CNTN4: variants seen among roughly 807,000 people sequenced by gnomAD.
The protein encoded by CNTN4 is contactin-4.
Under a neutral mutation model 122.5 loss-of-function variants are expected in CNTN4, and 77 were observed. The ratio of observed to expected loss-of-function variants is 0.63; its 90% CI spans 0.52 to 0.76. The LOEUF (loss-of-function observed/expected upper bound fraction) is 0.76. Among genes scored for constraint, CNTN4 ranks in the 30% least tolerant of loss-of-function variants. CNTN4 has a pLI of 0.00. For missense variants in CNTN4, 1,256 were observed against 1,259.1 expected, an observed-to-expected ratio of 1.00 and a Z score of 0.04; for synonymous variants, 512 against 447.0, an observed-to-expected ratio of 1.15 and a Z score of -1.83.
intron 3 of CNTN4, among the ~76,000 whole-genome samples, chr3:2,392,417 C>T (rs1413734753): frequency 6.6e-6 from 1 of 152,178 alleles, no homozygotes; most frequent in South Asian, 2.1e-4. Context: ...TGGCTTCCTA[C>T]TCATTATGCC....
At chr3:2,205,255 C>A (rs2038285894) in intron 2 of CNTN4, among the ~76,000 whole-genome samples, 1 of 149,510 alleles carries the variant, frequency 6.7e-6, no homozygotes, top group African/African-American at 2.4e-5. Flanking sequence ...TTCTAAATAT[C>A]AATATTATTA....
At chr3:2,648,505 C>T (rs2728079) in intron 4 of CNTN4, among the ~76,000 whole-genome samples, 37,217 of 151,896 alleles carry the variant, frequency 0.25, 5,282 homozygotes, top group African/African-American at 0.4. Flanking sequence ...TTGATGTGAC[C>T]ATTGTAACTG....
intron 4 of CNTN4, 27 bp downstream of exon 4, chr3:2,571,585 A>T: frequency 6.4e-7 from 1 of 1,554,674 alleles, no homozygotes; most frequent in Middle Eastern, 1.7e-4. Flanking sequence ...AAACTTTTTG[A>T]TTTAGAAATG....
intron 2 of CNTN4, among the ~76,000 whole-genome samples, chr3:2,308,514 C>T (rs535502118): frequency 2.4e-4 from 36 of 152,066 alleles, no homozygotes; most frequent in African/African-American, 6.3e-4. Flanking sequence ...TTTAAATATA[C>T]GCATTCAAAG....
intron 2 of CNTN4, among the ~76,000 whole-genome samples, chr3:2,184,149 A>C (rs1575025816): frequency 6.6e-6 from 1 of 151,872 alleles, no homozygotes. Context: ...TTTTTATGTT[A>C]TTTTTATTAT....
intron 3 of CNTN4, among the ~76,000 whole-genome samples, chr3:2,522,302 G>A (rs987824542): frequency 4.6e-5 from 7 of 151,980 alleles, no homozygotes; most frequent in Admixed American, 2.0e-4. Context: ...AATTGATGTA[G>A]TATTTTAAAG....
Position 2,666,483 on chromosome 3 carries a change from TTGATTTTTCCAAAGTAAGACATTAC to T in CNTN4, c.56-69725_56-69701del, listed in dbSNP as rs561436956. Among the ~76,000 whole-genome samples the T allele has an allele frequency of 2.9e-4, 44 of 152,332 alleles. No homozygotes were observed. The South Asian group carries it at 9.1e-3, about 32-fold the overall frequency. Reference sequence around the variant, plus strand: ...ATAAGTGGCTCTTTTATGATCACTGTTGATTTTTCCAAAGTAAGACATTACTGATTTATTTTATCTATGTTAGCTT... The same window carrying T: ...ATAAGTGGCTCTTTTATGATCACTGTTGATTTATTTTATCTATGTTAGCTT... On this transcript the variant is annotated intron_variant, in intron 4 of 24. Transcript: ENST00000418658.
intron 6 of CNTN4, among the ~76,000 whole-genome samples, chr3:2,814,546 A>G (rs954729219): frequency 6.6e-6 from 1 of 152,240 alleles, no homozygotes; most frequent in South Asian, 2.1e-4. Context: ...AAACCAAAGT[A>G]CTTATACCAA....
At chr3:2,273,453 A>G (rs2041380493) in intron 2 of CNTN4, among the ~76,000 whole-genome samples, 2 of 152,104 alleles carry the variant, frequency 1.3e-5, no homozygotes, top group African/African-American at 4.8e-5. Flanking sequence ...TTCTTGTACT[A>G]TTGATGTCTT....
rs563925277 is a variant in CNTN4 at position 2,502,336 on chromosome 3, AG to A, written c.-88-69077del. On this transcript the variant is annotated intron_variant, in intron 3 of 24. Transcript: ENST00000418658. The stretch of plus-strand genomic sequence containing the variant: ...TCCTCTAGTATCCCAGTTTTAAACC[AG>A]GGTTTTAAAGTTTTTGCTTCATGTC... Among the ~76,000 whole-genome samples, 504 of 152,268 alleles carry A rather than the reference AG, an allele frequency of 3.3e-3. 3 individuals are homozygous for A. The highest frequency in any genetic ancestry group is 0.012 in the African/African-American group (483 of 41,564).
At chr3:2,128,567 C>A (rs147249350) in intron 2 of CNTN4, among the ~76,000 whole-genome samples, 3 of 151,952 alleles carry the variant, frequency 2.0e-5, no homozygotes, top group Non-Finnish European at 4.4e-5. Context: ...AGACTGTGAT[C>A]GACACTAAGA....
chr3:2,229,634 G>A (rs1341512553), intron 2 of CNTN4, among the ~76,000 whole-genome samples: 3 of 151,154 alleles, frequency 2.0e-5, no homozygotes, highest in Middle Eastern at 3.2e-3. Flanking sequence ...CTGTCTTAAA[G>A]TATCTTCATG....
At chr3:3,046,096 C>T (rs550180325) in intron 23 of CNTN4, among the ~76,000 whole-genome samples, 40 of 152,160 alleles carry the variant, frequency 2.6e-4, no homozygotes, top group Admixed American at 5.2e-4. Context: ...TGAAAAGAAA[C>T]GAACAAAGCC....
chr3:2,759,876 C>T (rs2090509849), intron 6 of CNTN4, among the ~76,000 whole-genome samples: 1 of 152,170 alleles, frequency 6.6e-6, no homozygotes, highest in Non-Finnish European at 1.5e-5. Flanking sequence ...AGTCAACCTA[C>T]TGAGTGTGAT....
At position 2,840,581 on chromosome 3, in the gene CNTN4, C is replaced by A. The variant is rs1272175332; in HGVS notation, c.454+21000C>A. Among the ~76,000 whole-genome samples, 3 of 79,092 alleles carry A rather than the reference C, an allele frequency of 3.8e-5. 1 individual carries two copies. Among genetic ancestry groups the A allele is most frequent in the African/African-American group, 1.0e-4 (3 of 29,504 alleles). The allele number at this position is 79,092 out of a possible 152,430, so 51.9% of individuals were successfully genotyped here. ...GGGCGCGGTGATGGGCGCCTGTAGTCCCAGCTACTCGGGAGGCTGAGGCGG... is the reference window on the plus strand; with the variant it reads ...GGGCGCGGTGATGGGCGCCTGTAGTACCAGCTACTCGGGAGGCTGAGGCGG... On this transcript the variant is annotated intron_variant, in intron 7 of 24. Transcript: ENST00000418658.
chr3:3,042,254 C>G lies in CNTN4; in HGVS notation c.2399-56C>G. ...TTTTACCTTATAATGCTAGTATCTACAATCCTGTCCTAATATAGCTGATAG... is the reference window on the plus strand; with the variant it reads ...TTTTACCTTATAATGCTAGTATCTAGAATCCTGTCCTAATATAGCTGATAG... On this transcript the variant is annotated intron_variant, in intron 20 of 24. Coordinates refer to ENST00000418658, the MANE Select transcript of CNTN4 (RefSeq NM_175607.3). The G allele has an allele frequency of 2.5e-6, 3 of 1,221,778 alleles. No individual in the cohort carries two copies. The South Asian group carries it at 3.6e-5, about 15-fold the overall frequency. The allele number at this position is 1,221,778 out of a possible 1,614,324, so 75.7% of individuals were successfully genotyped here. A position where few individuals can be genotyped will look rare whatever the true frequency, so the allele number is the denominator to read the frequency against.
At chr3:2,586,424 C>A (rs2149611913) in intron 4 of CNTN4, among the ~76,000 whole-genome samples, 1 of 152,328 alleles carries the variant, frequency 6.6e-6, no homozygotes, top group Middle Eastern at 3.4e-3. Flanking sequence ...TCCAGAGGAG[C>A]TGGGATGACA....
intron 3 of CNTN4, among the ~76,000 whole-genome samples, chr3:2,481,059 TTCTCTCTTTCTCTCTTTCTC>T (rs1559592781): frequency 6.0e-5 from 7 of 116,886 alleles, no homozygotes; most frequent in Admixed American, 1.7e-4. Flanking sequence ...CTTTCTTTCT[TTCTCTCTTTCTCTCTTTCTC>T]TCTTTCTCTC....
At chr3:2,478,543 G>C (rs764494216) in intron 3 of CNTN4, among the ~76,000 whole-genome samples, 1 of 151,872 alleles carries the variant, frequency 6.6e-6, no homozygotes, top group African/African-American at 2.4e-5. Flanking sequence ...TACTAAGCCC[G>C]GCATCAGTTA....
Sources: allele counts gnomAD v4.1 joint callset (sites outside exome capture counted in the v4.1 genomes callset), GRCh38; gene constraint gnomAD v4.1.1; transcripts MANE v1.5; gene names NCBI Gene and HGNC (gene_info 2026-07-23, HGNC 2026-07-21).